Variants in OTUD3 observed in about 807,000 individuals in gnomAD.
The protein encoded by OTUD3 is OTU deubiquitinase 3.
In OTUD3, 24 loss-of-function variants were observed where a neutral mutation model predicts 46.2. That is an observed-to-expected ratio of 0.52 (90% CI 0.38 to 0.73). The LOEUF is 0.73. Ranked by LOEUF, OTUD3 falls within the 30% of genes least tolerant of loss-of-function variation. The probability of loss-of-function intolerance (pLI) is 0.00; values close to 1 mark genes in which losing one functional copy is unlikely to be tolerated. For missense variants in OTUD3, 455 were observed against 523.3 expected (o/e 0.87, Z 1.27); for synonymous variants, 189 against 195.4 (o/e 0.97, Z 0.27).
chr1:19,887,718 G>A (rs1478344146), intron 1 of OTUD3, among the ~76,000 whole-genome samples: 2 of 121,360 alleles, frequency 1.6e-5, no homozygotes, highest in Non-Finnish European at 3.7e-5. Context: ...ACGTCCCCCT[G>A]AGCCTTCTTT....
intron 1 of OTUD3, 130 bp from the exon 2 acceptor site, chr1:19,890,255 C>G (rs2045428276): frequency 1.2e-6 from 1 of 843,360 alleles, no homozygotes; most frequent in Non-Finnish European, 1.9e-6. Flanking sequence ...GAATCCTGGA[C>G]TATTAGAGTT....
intron 4 of OTUD3, among the ~76,000 whole-genome samples, chr1:19,898,477 C>G (rs2045545474): frequency 1.3e-5 from 2 of 151,674 alleles, no homozygotes; most frequent in Non-Finnish European, 2.9e-5. Flanking sequence ...ACCTGTAATC[C>G]CAGCACTTTG....
At chr1:19,882,869 G>C (rs920800825) in intron 1 of OTUD3, 135 bp downstream of exon 1, 1 of 747,086 alleles carries the variant, frequency 1.3e-6, no homozygotes, top group Non-Finnish European at 1.9e-6. Context: ...GCCACGCTCC[G>C]AGTGCAGGGC....
intron 1 of OTUD3, among the ~76,000 whole-genome samples, chr1:19,885,975 A>G (rs1417676765): frequency 2.0e-5 from 3 of 152,174 alleles, no homozygotes; most frequent in Admixed American, 2.0e-4. Context: ...ATTAACCAAT[A>G]TCCTGTAATA....
chr1:19,888,814 G>A (rs952357752), intron 1 of OTUD3, among the ~76,000 whole-genome samples: 1 of 152,182 alleles, frequency 6.6e-6, no homozygotes, highest in Non-Finnish European at 1.5e-5. Context: ...CTTGGCATAC[G>A]TTTGTGTGTG....
At chr1:19,894,246 A>G (rs1430140680) in intron 2 of OTUD3, 122 bp from the exon 3 acceptor site, 4 of 568,858 alleles carry the variant, frequency 7.0e-6, no homozygotes, top group Non-Finnish European at 1.2e-5. Flanking sequence ...GACAAAGTTA[A>G]TGGACTTCTC....
rs990831826 is a variant in OTUD3 at position 19,890,259 on chromosome 1, T to G, written c.222-126T>G. Reference sequence around the variant, plus strand: ...TGGTCTTGGAAGAATCCTGGACTATTAGAGTTGAGTCTTTACCTCTGTGTG... The same window carrying G: ...TGGTCTTGGAAGAATCCTGGACTATGAGAGTTGAGTCTTTACCTCTGTGTG... On this transcript the variant is annotated intron_variant, in intron 1 of 7. Coordinates refer to ENST00000375120, the MANE Select transcript of OTUD3 (RefSeq NM_015207.2). The G allele has an allele frequency of 8.0e-6, 7 of 878,550 alleles. No homozygotes were observed. In the Admixed American group the frequency reaches 1.1e-4, roughly 13 times the overall value. 54.4% of individuals were successfully genotyped at this position (878,550 alleles called of 1,614,324 possible).
chr1:19,904,220 A>G lies in OTUD3; in HGVS notation c.607-47A>G, dbSNP rs776501288. Reference sequence around the variant, plus strand: ...GTCTTGTGTTAAAGATTCTGAACATAGTTTGATTCTCAACATAGTTCCCTG... The same window carrying G: ...GTCTTGTGTTAAAGATTCTGAACATGGTTTGATTCTCAACATAGTTCCCTG... On this transcript the variant is annotated intron_variant, in intron 4 of 7. Transcript: ENST00000375120. 9 of 1,468,576 alleles carry G rather than the reference A, an allele frequency of 6.1e-6. No homozygotes were observed. In the Admixed American group the frequency reaches 2.0e-4, roughly 32 times the overall value. The allele number at this position is 1,468,576 out of a possible 1,614,324, so 91.0% of individuals were successfully genotyped here.
At position 19,907,776 on chromosome 1, in the gene OTUD3, C is replaced by T. The variant is rs770053234; in HGVS notation, c.*30C>T. 111 of 1,606,330 alleles carry T rather than the reference C, an allele frequency of 6.9e-5. No homozygotes were observed. Among genetic ancestry groups the T allele is most frequent in the Non-Finnish European group, 8.7e-5 (102 of 1,174,160 alleles). On this transcript the variant is annotated 3_prime_UTR_variant, in exon 8 of 8. Coordinates refer to ENST00000375120, the MANE Select transcript of OTUD3 (RefSeq NM_015207.2). ...TTGGCCTCTTGGGAGTTGTAAGAAG[C>T]GGCTGGAAAAGGATTGCTGTGTGCT... is the stretch of plus-strand genomic sequence containing the variant.
intron 4 of OTUD3, among the ~76,000 whole-genome samples, chr1:19,898,447 G>A (rs1333079914): frequency 6.6e-6 from 1 of 151,704 alleles, no homozygotes; most frequent in East Asian, 1.9e-4. Flanking sequence ...TAACATCATT[G>A]GCCGGGCGTG....
chr1:19,883,224 C>T (rs938856350), intron 1 of OTUD3, among the ~76,000 whole-genome samples: 1 of 152,146 alleles, frequency 6.6e-6, no homozygotes, highest in Non-Finnish European at 1.5e-5. Context: ...AATTAGGTCG[C>T]CTGTTTACTG....
intron 2 of OTUD3, among the ~76,000 whole-genome samples, chr1:19,892,294 A>G (rs192398311): frequency 1.3e-4 from 20 of 152,294 alleles, no homozygotes; most frequent in African/African-American, 4.8e-4. Context: ...TGTCAGTTGA[A>G]GGCTTGGCTT....
chr1:19,882,430 T>C lies in OTUD3; in HGVS notation c.-84T>C. ...CGTCGCCGGGCTCCGTTGCCCGCGCTGTTTTACCTTCCCAACGCTTGAGGC... is the reference window on the plus strand; with the variant it reads ...CGTCGCCGGGCTCCGTTGCCCGCGCCGTTTTACCTTCCCAACGCTTGAGGC... On this transcript the variant is annotated 5_prime_UTR_variant, in exon 1 of 8. Coordinates refer to ENST00000375120, the MANE Select transcript of OTUD3 (RefSeq NM_015207.2). 1 of 1,301,786 alleles carries C rather than the reference T, an allele frequency of 7.7e-7. No individual in the cohort carries two copies. Among genetic ancestry groups the C allele is most frequent in the Non-Finnish European group, 9.7e-7 (1 of 1,029,694 alleles). 80.6% of individuals were successfully genotyped at this position (1,301,786 alleles called of 1,614,324 possible). A position where few individuals can be genotyped will look rare whatever the true frequency, so the allele number is the denominator to read the frequency against.
chr1:19,906,550 C>A lies in OTUD3; in HGVS notation c.954C>A (p.Thr318=), dbSNP rs201617692. The A allele has an allele frequency of 7.4e-5, 119 of 1,613,424 alleles. No individual in the cohort carries two copies. The highest frequency in any genetic ancestry group is 9.1e-5 in the Non-Finnish European group (107 of 1,179,952). ...ATCAGGGCTTAAATGAAGGCAGGACCGAAAACAATAAGGCACAGGCCAGCC... is the reference window on the plus strand; with the variant it reads ...ATCAGGGCTTAAATGAAGGCAGGACAGAAAACAATAAGGCACAGGCCAGCC... ...FGNQGLNEGR[T]ENNKAQASPS... Residue 318 remains threonine (T), a synonymous_variant, in exon 7 of 8, where the codon ACC becomes ACA. Transcript: ENST00000375120.
In OTUD3 at chr1:19,906,617, G is replaced by A; in HGVS notation, c.1020+1G>A. 6.2e-7 allele frequency: 1 copy of A among 1,605,078 alleles called. No homozygotes were observed. Among genetic ancestry groups the A allele is most frequent in the Non-Finnish European group, 8.5e-7 (1 of 1,175,598 alleles). ...AGCAAATAAAAACCAGCTCGCAAAG[G>A]TATGTAAGATGGGGTTGAATGGGCA... On this transcript the variant is annotated splice_donor_variant, in intron 7 of 7. Transcript: ENST00000375120. LOFTEE classifies it high-confidence loss of function.
intron 1 of OTUD3, among the ~76,000 whole-genome samples, chr1:19,887,744 A>G (rs1020993759): frequency 1.3e-5 from 2 of 152,198 alleles, no homozygotes; most frequent in African/African-American, 2.4e-5. Flanking sequence ...AAACATCACT[A>G]GTAGTTCTTC....
intron 4 of OTUD3, among the ~76,000 whole-genome samples, chr1:19,900,587 T>G (rs2045573265): frequency 6.6e-6 from 1 of 152,210 alleles, no homozygotes; most frequent in Non-Finnish European, 1.5e-5. Flanking sequence ...ATATTTCCCT[T>G]GTGATTACCT....
In OTUD3 at chr1:19,906,443, A is replaced by G. The variant is rs1054525313; in HGVS notation, c.847A>G (p.Asn283Asp). 6.2e-7 allele frequency: 1 copy of G among 1,613,618 alleles called. No individual in the cohort carries two copies. The highest frequency in any genetic ancestry group is 8.5e-7 in the Non-Finnish European group (1 of 1,179,800). ...NQGKRNNAEE[N>D]LEPSGRVLKQ... ...TCTTTCTTTGGAAGATGCAGAAGAGAATCTTGAGCCCAGTGGTCGAGTGCT... is the reference window on the plus strand; with the variant it reads ...TCTTTCTTTGGAAGATGCAGAAGAGGATCTTGAGCCCAGTGGTCGAGTGCT... The change falls in exon 7 of 8, where the codon AAT becomes GAT. Residue 283 changes from asparagine to aspartate, a missense_variant. By Grantham distance (23) the Asn-to-Asp change is conservative. Transcript: ENST00000375120.
intron 1 of OTUD3, among the ~76,000 whole-genome samples, chr1:19,886,063 A>G (rs1023114807): frequency 4.6e-5 from 7 of 152,186 alleles, no homozygotes; most frequent in African/African-American, 7.2e-5. Context: ...TGCTTCCTGG[A>G]CCAGCTTCAT....
Sources: allele counts gnomAD v4.1 joint callset (sites outside exome capture counted in the v4.1 genomes callset), GRCh38; gene constraint gnomAD v4.1.1; transcripts MANE v1.5; gene names NCBI Gene and HGNC (gene_info 2026-07-23, HGNC 2026-07-21).